RAC2: variants seen among roughly 807,000 people sequenced by gnomAD.
RAC2 encodes the protein Rac family small GTPase 2, also known as ras-related C3 botulinum toxin substrate 2.
In RAC2, 1 loss-of-function variant was observed where a neutral mutation model predicts 24.0. That is an observed-to-expected ratio of 0.04 (90% confidence interval 0.01 to 0.20). The LOEUF is 0.20. RAC2 is among the 10% of genes least tolerant of loss of function. RAC2 has a pLI of 1.00. For missense variants in RAC2, 130 were observed against 259.1 expected (o/e 0.50, Z 3.42); for synonymous variants, 114 against 106.8 (o/e 1.07, Z -0.41).
At position 37,225,343 on chromosome 22, in the gene RAC2, C is replaced by T. The variant is rs930265574; in HGVS notation, c.*699G>A. On this transcript the variant is annotated 3_prime_UTR_variant, in exon 7 of 7. Coordinates refer to ENST00000249071, the MANE Select transcript of RAC2 (RefSeq NM_002872.5). ...CTATTTGCAATAGCAAAAGTCCTGA[C>T]TGGCAAGGTTTAAAAGTTTGAAGAC... 2 of 152,218 alleles carry T rather than the reference C, an allele frequency of 1.3e-5. No individual in the cohort carries two copies. Among genetic ancestry groups the T allele is most frequent in the Non-Finnish European group, 2.9e-5 (2 of 68,048 alleles). 9.4% of individuals were successfully genotyped at this position (152,218 alleles called of 1,614,324 possible).
At chr22:37,239,548 C>A (rs1383664623) in intron 2 of RAC2, among the ~76,000 whole-genome samples, 1 of 152,212 alleles carries the variant, frequency 6.6e-6, no homozygotes, top group Non-Finnish European at 1.5e-5. Context: ...CTGAGAGCAC[C>A]TGGCCATAAC....
chr22:37,237,779 G>A (rs993439673), intron 2 of RAC2, among the ~76,000 whole-genome samples: 4 of 152,164 alleles, frequency 2.6e-5, no homozygotes, highest in East Asian at 1.9e-4. Context: ...AGAAACTGGC[G>A]CGATGGCAGG....
At chr22:37,226,231 T>C (rs1458569836) in intron 6 of RAC2, among the ~76,000 whole-genome samples, 192 bp from the exon 7 acceptor site, 1 of 151,896 alleles carries the variant, frequency 6.6e-6, no homozygotes, top group African/African-American at 2.4e-5. Flanking sequence ...CCAGGAGGCC[T>C]TGTGGGCTGC....
At chr22:37,233,811 G>A (rs982899042) in intron 2 of RAC2, among the ~76,000 whole-genome samples, 1 of 152,186 alleles carries the variant, frequency 6.6e-6, no homozygotes, top group Non-Finnish European at 1.5e-5. Flanking sequence ...GGGCCACCTG[G>A]GAGACAGAAC....
Position 37,230,046 on chromosome 22 carries a change from G to A in RAC2, c.448+1185C>T, listed in dbSNP as rs1463800485. ...GCTGGTTGGTCAGAAAGAGAAGGCAGGGATGAATCCTTGATATTTAAAAGG... is the reference window on the plus strand; with the variant it reads ...GCTGGTTGGTCAGAAAGAGAAGGCAAGGATGAATCCTTGATATTTAAAAGG... On this transcript the variant is annotated intron_variant, in intron 5 of 6. Coordinates refer to ENST00000249071, the MANE Select transcript of RAC2 (RefSeq NM_002872.5). Among the ~76,000 whole-genome samples the A allele has an allele frequency of 2.0e-5, 3 of 152,256 alleles. No homozygotes were observed. In the South Asian group the frequency reaches 6.2e-4, roughly 32 times the overall value.
chr22:37,243,883 C>T (rs1288872336), intron 1 of RAC2, among the ~76,000 whole-genome samples: 1 of 151,742 alleles, frequency 6.6e-6, no homozygotes, highest in Non-Finnish European at 1.5e-5. Context: ...TAGTCCTGCA[C>T]CCTCCACCGA....
At chr22:37,234,322 G>A (rs996913971) in intron 2 of RAC2, among the ~76,000 whole-genome samples, 1 of 152,158 alleles carries the variant, frequency 6.6e-6, no homozygotes, top group Non-Finnish European at 1.5e-5. Context: ...ACACATCCCC[G>A]CGAGGAAGGT....
At chr22:37,227,704 C>T (rs376371247) in intron 5 of RAC2, among the ~76,000 whole-genome samples, 1 of 149,872 alleles carries the variant, frequency 6.7e-6, no homozygotes. Flanking sequence ...CCGTACACCC[C>T]CTCCCAAGCC....
At chr22:37,226,847 G>C (rs530651151) in intron 5 of RAC2, 44 bp from the exon 6 acceptor site, 12 of 1,607,824 alleles carry the variant, frequency 7.5e-6, no homozygotes, top group African/African-American at 2.7e-5. Flanking sequence ...TAAGTGGCGG[G>C]GGGGGTTCTG....
At chr22:37,240,689 T>G in intron 2 of RAC2, 1 of 318,270 alleles carries the variant, frequency 3.1e-6, no homozygotes, top group East Asian at 6.2e-5. Flanking sequence ...CACAGGCTCA[T>G]AGTCATGGGA....
intron 2 of RAC2, among the ~76,000 whole-genome samples, chr22:37,237,103 C>A (rs890568608): frequency 5.3e-5 from 8 of 151,872 alleles, no homozygotes; most frequent in African/African-American, 1.9e-4. Flanking sequence ...GCAGCAGAAT[C>A]GCTTGAACCC....
chr22:37,228,277 C>A (rs991652249), intron 5 of RAC2, among the ~76,000 whole-genome samples: 1 of 152,180 alleles, frequency 6.6e-6, no homozygotes, highest in Non-Finnish European at 1.5e-5. Context: ...CCATGGGAGG[C>A]CCAGCCTTCT....
chr22:37,228,542 C>T (rs1926956389), intron 5 of RAC2, among the ~76,000 whole-genome samples: 2 of 152,252 alleles, frequency 1.3e-5, no homozygotes, highest in Admixed American at 6.5e-5. Flanking sequence ...ACTCTGGGCC[C>T]TCCGCCAAAG....
chr22:37,244,223 G>A lies in RAC2; in HGVS notation c.-75C>T. 2 of 1,535,252 alleles carry A rather than the reference G, an allele frequency of 1.3e-6. No individual in the cohort carries two copies. The highest frequency in any genetic ancestry group is 1.7e-4 in the Middle Eastern group (1 of 5,948). On this transcript the variant is annotated 5_prime_UTR_variant, in exon 1 of 7. Transcript: ENST00000249071. ...CGTTTCTGCGGGCGCAAGGGGTGTGGAGGCTGGTGAGGCGCCTGCTGAGGA... is the reference window on the plus strand; with the variant it reads ...CGTTTCTGCGGGCGCAAGGGGTGTGAAGGCTGGTGAGGCGCCTGCTGAGGA...
Position 37,244,188 on chromosome 22 carries a change from G to C in RAC2, c.-40C>G. The C allele has an allele frequency of 6.2e-7, 1 of 1,611,436 alleles. No homozygotes were observed. The highest frequency in any genetic ancestry group is 8.5e-7 in the Non-Finnish European group (1 of 1,178,880). ...GGAGAGTGTCGGTGGTGACAGCTCA[G>C]GGCCAGGCGCGTTTCTGCGGGCGCA... On this transcript the variant is annotated 5_prime_UTR_variant, in exon 1 of 7. Coordinates refer to ENST00000249071, the MANE Select transcript of RAC2 (RefSeq NM_002872.5).
chr22:37,238,730 G>A (rs1447253131), intron 2 of RAC2, among the ~76,000 whole-genome samples: 2 of 152,188 alleles, frequency 1.3e-5, no homozygotes, highest in East Asian at 1.9e-4. Context: ...CGAAACGGGG[G>A]ATTTGATGCA....
At chr22:37,226,392 G>A (rs1926836739) in intron 6 of RAC2, among the ~76,000 whole-genome samples, 3 of 152,056 alleles carry the variant, frequency 2.0e-5, no homozygotes, top group African/African-American at 7.2e-5. Context: ...ACCTCCTGCA[G>A]GAATGGGCAG....
At chr22:37,232,720 G>A (rs1188986508) in intron 3 of RAC2, 81 bp downstream of exon 3, 7 of 1,231,170 alleles carry the variant, frequency 5.7e-6, no homozygotes, top group East Asian at 2.3e-5. Flanking sequence ...TTCCCAGGCT[G>A]AGCTGGCTGG....
chr22:37,232,285 C>T, intron 3 of RAC2: 1 of 523,766 alleles, frequency 1.9e-6, no homozygotes, highest in South Asian at 2.1e-5. Context: ...AGTGAGGCTT[C>T]CAGAGGTTAA....
Sources: gnomAD v4.1 joint callset for allele counts (sites outside exome capture counted in the v4.1 genomes callset) on GRCh38, gnomAD v4.1.1 for gene constraint, MANE v1.5 for transcripts, NCBI Gene and HGNC (gene_info 2026-07-23, HGNC 2026-07-21) for gene names.